The following USP46 variants were observed in gnomAD, a reference collection of about 807,000 sequenced individuals.
USP46 encodes the protein ubiquitin specific peptidase 46.
USP46 carries 12 observed loss-of-function variants against 44.4 expected under a neutral mutation model. The observed-to-expected ratio is 0.27, with a 90% CI of 0.17 to 0.44. The LOEUF (loss-of-function observed/expected upper bound fraction) is 0.44, where lower values mean the gene tolerates loss of function less well. Ranked by LOEUF, USP46 falls within the 20% of genes least tolerant of loss-of-function variation. The probability of loss-of-function intolerance (pLI) is 1.00; values close to 1 mark genes in which losing one functional copy is unlikely to be tolerated. For synonymous variants in USP46, 155 were observed against 161.5 expected (o/e 0.96, Z 0.31); for missense variants, 248 against 444.8 (o/e 0.56, Z 3.98).
At chr4:52,609,620 C>T (rs535294756) in intron 5 of USP46, among the ~76,000 whole-genome samples, 3 of 152,142 alleles carry the variant, frequency 2.0e-5, no homozygotes, top group South Asian at 4.2e-4. Context: ...ACATCTCACA[C>T]GCATGTTAGG....
At chr4:52,645,015 C>T (rs1297456280) in intron 1 of USP46, among the ~76,000 whole-genome samples, 3 of 151,978 alleles carry the variant, frequency 2.0e-5, no homozygotes, top group Admixed American at 6.6e-5. Context: ...TGACATCGTG[C>T]CATTGCACTC....
intron 1 of USP46, 44 bp from the exon 2 acceptor site, chr4:52,631,188 A>G (rs1717812322): frequency 6.8e-7 from 1 of 1,465,374 alleles, no homozygotes; most frequent in Non-Finnish European, 9.3e-7. Context: ...TGTAAAATAG[A>G]CAAAAAGTAA....
intron 4 of USP46, among the ~76,000 whole-genome samples, chr4:52,614,378 G>T (rs1305449358): frequency 6.6e-6 from 1 of 152,146 alleles, no homozygotes; most frequent in Non-Finnish European, 1.5e-5. Flanking sequence ...GTGCCTCACA[G>T]CCAAACTGTT....
chr4:52,595,363 C>G lies in USP46; in HGVS notation c.*2277G>C, dbSNP rs1716184689. Reference sequence around the variant, plus strand: ...GAAGAGGGAAAAAATTAGCAGATAGCTCTAAATTTTAAAAAGCTGATGGAG... The same window carrying G: ...GAAGAGGGAAAAAATTAGCAGATAGGTCTAAATTTTAAAAAGCTGATGGAG... On this transcript the variant is annotated 3_prime_UTR_variant, in exon 9 of 9. Transcript: ENST00000441222. 6.6e-6 allele frequency: 1 copy of G among 152,652 alleles called. No individual in the cohort carries two copies. Among genetic ancestry groups the G allele is most frequent in the Non-Finnish European group, 1.5e-5 (1 of 68,046 alleles). 9.5% of individuals were successfully genotyped at this position (152,652 alleles called of 1,614,324 possible).
intron 1 of USP46, chr4:52,655,529 T>C (rs529145655): frequency 2.2e-4 from 34 of 152,354 alleles, no homozygotes; most frequent in Non-Finnish European, 4.1e-4. Context: ...TTAGAAAATT[T>C]CTCAAGCTCT....
chr4:52,631,777 G>T (rs978265222), intron 1 of USP46, among the ~76,000 whole-genome samples: 5 of 152,126 alleles, frequency 3.3e-5, no homozygotes, highest in Non-Finnish European at 7.4e-5. Flanking sequence ...AGGCCGAGGT[G>T]AGCGGATCAC....
chr4:52,655,981 C>T (rs933592888), intron 1 of USP46, among the ~76,000 whole-genome samples: 3 of 152,132 alleles, frequency 2.0e-5, no homozygotes, highest in Non-Finnish European at 4.4e-5. Flanking sequence ...CTCAATCACA[C>T]GAAGTATCTG....
rs762578285 is a variant in USP46 at position 52,645,173 on chromosome 4, C to T, written c.36+13942G>A. On this transcript the variant is annotated intron_variant, in intron 1 of 8. Transcript: ENST00000441222. ...CCGGGAGGCAGAAGTTGCAGTGAGC[C>T]GAGATCGCGCCACTGCACTCCAGCC... 5.0e-4 allele frequency among the ~76,000 whole-genome samples: 74 copies of T among 148,350 alleles called. 1 individual carries two copies. The highest frequency in any genetic ancestry group is 6.0e-4 in the East Asian group (3 of 5,008).
At chr4:52,607,568 C>T (rs1716737059) in intron 5 of USP46, among the ~76,000 whole-genome samples, 5 of 152,162 alleles carry the variant, frequency 3.3e-5, no homozygotes, top group Admixed American at 3.3e-4. Flanking sequence ...TAGTTTGGAT[C>T]TGTGTCCCCA....
chr4:52,610,733 G>T, intron 4 of USP46, 116 bp from the exon 5 acceptor site: 1 of 925,860 alleles, frequency 1.1e-6, no homozygotes, highest in Non-Finnish European at 1.7e-6. Flanking sequence ...TTAAAGTCCT[G>T]CATGGACATG....
intron 5 of USP46, 46 bp from the exon 6 acceptor site, chr4:52,604,630 T>C: frequency 1.5e-6 from 2 of 1,334,018 alleles, no homozygotes; most frequent in South Asian, 2.6e-5. Context: ...CCAAATCTAC[T>C]TGGTATACTA....
chr4:52,610,696 C>G, intron 4 of USP46, 79 bp from the exon 5 acceptor site: 1 of 1,338,846 alleles, frequency 7.5e-7, no homozygotes, highest in South Asian at 1.3e-5. Context: ...AGGTAATCAC[C>G]GACTGCAATA....
intron 1 of USP46, among the ~76,000 whole-genome samples, chr4:52,647,007 C>T (rs1382097253): frequency 6.6e-6 from 1 of 152,188 alleles, no homozygotes; most frequent in Non-Finnish European, 1.5e-5. Context: ...GATATACTCC[C>T]ACATATGGAC....
rs1363411541 is a variant in USP46, at chr4:52,601,887, T to A, written c.890A>T (p.Asp297Val). Residue 297 changes from aspartate to valine, a missense_variant, in exon 7 of 9, where the codon GAC (aspartate) becomes GTC (valine). Asp to Val is a radical substitution (Grantham distance 152). Transcript: ENST00000441222. Reference sequence around the variant, plus strand: ...ACAGTGAACGACCACCGCAACCAAGTCATACATGCGGTCCAGGTTCACTGC... The same window carrying A: ...ACAGTGAACGACCACCGCAACCAAGACATACATGCGGTCCAGGTTCACTGC... ...SDAVNLDRMY[D>V]LVAVVVHCGS... 1.9e-6 allele frequency: 3 copies of A among 1,613,642 alleles called. No individual in the cohort carries two copies.
chr4:52,623,609 T>C (rs1237844342), intron 4 of USP46, among the ~76,000 whole-genome samples: 1 of 151,952 alleles, frequency 6.6e-6, no homozygotes, highest in Non-Finnish European at 1.5e-5. Flanking sequence ...AAAATGAATA[T>C]AAAATAGATT....
rs17051581 is a variant in USP46 at position 52,593,397 on chromosome 4, G to A, written c.*4243C>T. ...CAGTCAGGTTCAACTGCACTGCCCCGAGAAGATGGACAGCAGCTGGGAGAC... is the reference window on the plus strand; with the variant it reads ...CAGTCAGGTTCAACTGCACTGCCCCAAGAAGATGGACAGCAGCTGGGAGAC... On this transcript the variant is annotated 3_prime_UTR_variant, in exon 9 of 9. Transcript: ENST00000441222. The A allele has an allele frequency of 0.029, 4,534 of 153,854 alleles. 203 individuals are homozygous for A. The highest frequency in any genetic ancestry group is 0.098 in the African/African-American group (4,076 of 41,618). 9.5% of individuals were successfully genotyped at this position (153,854 alleles called of 1,614,324 possible).
intron 2 of USP46, among the ~76,000 whole-genome samples, chr4:52,630,167 G>C (rs545209860): frequency 6.6e-6 from 1 of 152,290 alleles, no homozygotes; most frequent in African/African-American, 2.4e-5. Context: ...CGCCTCTACC[G>C]TGTTACTACT....
chr4:52,617,241 C>A lies in USP46; in HGVS notation c.562-6624G>T, dbSNP rs543425110. ...TTTTAAAAATAATCCACAGTATGTT[C>A]CTTAATTAGCAGAACTTTTTTCTTA... On this transcript the variant is annotated intron_variant, in intron 4 of 8. Transcript: ENST00000441222. Among the ~76,000 whole-genome samples, 26 of 152,238 alleles carry A rather than the reference C, an allele frequency of 1.7e-4. 1 individual carries two copies. In the South Asian group the frequency reaches 2.3e-3, roughly 13 times the overall value.
chr4:52,596,327 C>T lies in USP46; in HGVS notation c.*1313G>A, dbSNP rs1317691680. The T allele has an allele frequency of 6.6e-6, 1 of 152,600 alleles. No homozygotes were observed. Among genetic ancestry groups the T allele is most frequent in the African/African-American group, 2.4e-5 (1 of 41,434 alleles). The allele number at this position is 152,600 out of a possible 1,614,324, so 9.5% of individuals were successfully genotyped here. A position where few individuals can be genotyped will look rare whatever the true frequency, so the allele number is the denominator to read the frequency against. ...TTCTAAAGGAAGCCAAGATCTATGA[C>T]TCAAAAACCAGCTCAACAGCAAAAC... On this transcript the variant is annotated 3_prime_UTR_variant, in exon 9 of 9. Coordinates refer to ENST00000441222, the MANE Select transcript of USP46 (RefSeq NM_022832.4).
Sources: gnomAD v4.1 joint callset for allele counts (sites outside exome capture counted in the v4.1 genomes callset) on GRCh38, gnomAD v4.1.1 for gene constraint, MANE v1.5 for transcripts, NCBI Gene and HGNC (gene_info 2026-07-23, HGNC 2026-07-21) for gene names.